GALNT2: variants seen among roughly 807,000 people sequenced by gnomAD.
GALNT2 encodes polypeptide N-acetylgalactosaminyltransferase 2.
In GALNT2, 31 loss-of-function variants were observed where a neutral mutation model predicts 81.4. The ratio of observed to expected loss-of-function variants is 0.38; its 90% confidence interval spans 0.29 to 0.51. GALNT2 has a LOEUF of 0.51. Ranked by LOEUF, GALNT2 falls within the 20% of genes least tolerant of loss-of-function variation. The probability of loss-of-function intolerance (pLI) is 0.87; values close to 1 mark genes in which losing one functional copy is unlikely to be tolerated. For missense variants in GALNT2, 629 were observed against 765.7 expected, an observed-to-expected ratio of 0.82 and a Z score of 2.11; for synonymous variants, 303 against 287.4, an observed-to-expected ratio of 1.05 and a Z score of -0.55.
chr1:230,147,605 G>A (rs965944365), intron 1 of GALNT2, among the ~76,000 whole-genome samples: 2 of 152,212 alleles, frequency 1.3e-5, no homozygotes, highest in Admixed American at 6.5e-5. Context: ...TCAGGCCAGG[G>A]CCACTCCTGG....
chr1:230,079,395 C>T (rs964732043), intron 1 of GALNT2, among the ~76,000 whole-genome samples: 2 of 152,212 alleles, frequency 1.3e-5, no homozygotes, highest in East Asian at 3.8e-4. Context: ...GCTTTTCTTC[C>T]CACATTCACA....
intron 2 of GALNT2, among the ~76,000 whole-genome samples, chr1:230,189,326 C>G (rs1663441919): frequency 6.6e-6 from 1 of 152,112 alleles, no homozygotes; most frequent in Non-Finnish European, 1.5e-5. Flanking sequence ...TCACAGCCAC[C>G]CCTCCCCGAT....
chr1:230,062,969 TTC>T (rs1659084713), upstream of GALNT2, among the ~76,000 whole-genome samples: 1 of 152,174 alleles, frequency 6.6e-6, no homozygotes, highest in South Asian at 2.1e-4. Flanking sequence ...GGGTTCCAAT[TTC>T]TCTACATCCT....
Position 230,265,385 on chromosome 1 carries a change from C to T in GALNT2, c.1440+18C>T, listed in dbSNP as rs745357216. 7.5e-5 allele frequency: 121 copies of T among 1,613,970 alleles called. 2 individuals are homozygous for T. In the South Asian group the frequency reaches 1.0e-3, roughly 13 times the overall value. The stretch of plus-strand genomic sequence containing the variant: ...GAAACCAGGTATGTGCATGGGGAAG[C>T]CAGGTCACCTGCAGGCCCAGAGAGA... On this transcript the variant is annotated intron_variant, in intron 14 of 15. Transcript: ENST00000366672.
chr1:230,078,280 G>T (rs919466953), intron 1 of GALNT2, among the ~76,000 whole-genome samples: 1 of 151,896 alleles, frequency 6.6e-6, no homozygotes, highest in Non-Finnish European at 1.5e-5. Context: ...GTCGTATTTG[G>T]GGGGGGATCA....
intron 1 of GALNT2, among the ~76,000 whole-genome samples, chr1:230,144,446 C>G (rs971655804): frequency 6.6e-6 from 1 of 152,204 alleles, no homozygotes; most frequent in Admixed American, 6.5e-5. Flanking sequence ...TAGCCGGTGC[C>G]TGCATGTGAA....
chr1:230,127,306 A>G (rs1202139450), intron 1 of GALNT2, among the ~76,000 whole-genome samples: 3 of 152,090 alleles, frequency 2.0e-5, no homozygotes, highest in African/African-American at 7.2e-5. Context: ...GCTGTGTGAT[A>G]AACTGACACC....
At chr1:230,160,982 C>T (rs928962286) in intron 1 of GALNT2, among the ~76,000 whole-genome samples, 16 of 152,168 alleles carry the variant, frequency 1.1e-4, no homozygotes, top group Non-Finnish European at 2.9e-5. Context: ...CAGCCATATA[C>T]AGTCTACTTC....
chr1:230,072,954 C>T (rs749794070), intron 1 of GALNT2, among the ~76,000 whole-genome samples: 1 of 152,220 alleles, frequency 6.6e-6, no homozygotes. Flanking sequence ...TCCCTTTTCC[C>T]TCTGAGTAAG....
At chr1:230,167,728 G>A (rs377014408) in intron 1 of GALNT2, among the ~76,000 whole-genome samples, 166 of 152,230 alleles carry the variant, frequency 1.1e-3, no homozygotes, top group South Asian at 6.2e-3. Flanking sequence ...GGAGCAGCAC[G>A]GGTGTGAAAT....
At chr1:230,232,422 T>TG (rs1317658736) in intron 3 of GALNT2, among the ~76,000 whole-genome samples, 2 of 152,206 alleles carry the variant, frequency 1.3e-5, no homozygotes, top group Non-Finnish European at 2.9e-5. Context: ...CAAATGCTCC[T>TG]GGGAGATGAG....
rs1666431221 is a variant in GALNT2 at position 230,281,180 on chromosome 1, T to C, written c.*1722T>C. On this transcript the variant is annotated 3_prime_UTR_variant, in exon 16 of 16. Coordinates refer to ENST00000366672, the MANE Select transcript of GALNT2 (RefSeq NM_004481.5). Reference sequence around the variant, plus strand: ...GTCTTGTATGAAAGGGGCCACTGTGTGTCTTCCTCCCCGGCGGGAGCCCCA... The same window carrying C: ...GTCTTGTATGAAAGGGGCCACTGTGCGTCTTCCTCCCCGGCGGGAGCCCCA... 1 of 152,278 alleles carries C rather than the reference T, an allele frequency of 6.6e-6. No individual in the cohort carries two copies. Among genetic ancestry groups the C allele is most frequent in the Non-Finnish European group, 1.5e-5 (1 of 68,128 alleles). 9.4% of individuals were successfully genotyped at this position (152,278 alleles called of 1,614,324 possible).
chr1:230,065,456 C>T (rs1190488117), upstream of GALNT2, among the ~76,000 whole-genome samples: 5 of 152,040 alleles, frequency 3.3e-5, no homozygotes, highest in South Asian at 2.1e-4. Flanking sequence ...TATACAAATA[C>T]GTGACACTTT....
At chr1:230,236,446 C>T (rs1303991532) in intron 5 of GALNT2, 26 bp downstream of exon 5, 1 of 1,607,326 alleles carries the variant, frequency 6.2e-7, no homozygotes, top group South Asian at 1.1e-5. Flanking sequence ...GATTTTATCC[C>T]TGTGTCTGGC....
At chr1:230,218,222 G>A (rs1306826476) in intron 3 of GALNT2, among the ~76,000 whole-genome samples, 5 of 152,168 alleles carry the variant, frequency 3.3e-5, no homozygotes, top group Non-Finnish European at 5.9e-5. Context: ...ATGCTGAATC[G>A]GATGTGGAAT....
intron 9 of GALNT2, 116 bp downstream of exon 9, chr1:230,249,387 G>C (rs536520214): frequency 1.3e-6 from 1 of 779,958 alleles, no homozygotes; most frequent in African/African-American, 1.7e-5. Flanking sequence ...TCTGCCCTCC[G>C]GTTTCCCCTC....
intron 1 of GALNT2, among the ~76,000 whole-genome samples, chr1:230,128,984 T>C (rs1661283059): frequency 6.6e-6 from 1 of 152,268 alleles, no homozygotes; most frequent in African/African-American, 2.4e-5. Flanking sequence ...CACCAGCTCC[T>C]TCTTCCTGAA....
chr1:230,242,088 C>T (rs746211934), intron 6 of GALNT2, among the ~76,000 whole-genome samples: 14 of 152,180 alleles, frequency 9.2e-5, no homozygotes, highest in Admixed American at 6.5e-4. Flanking sequence ...TATCCTCTAA[C>T]AACTCAAGCC....
intron 1 of GALNT2, among the ~76,000 whole-genome samples, chr1:230,095,263 T>C (rs146723060): frequency 0.017 from 2,649 of 152,148 alleles, 74 homozygotes; most frequent in African/African-American, 0.059. Context: ...AGAGTAAAAA[T>C]AGTAACCCCA....
Sources: allele counts gnomAD v4.1 joint callset (sites outside exome capture counted in the v4.1 genomes callset), GRCh38; gene constraint gnomAD v4.1.1; transcripts MANE v1.5; gene names NCBI Gene and HGNC (gene_info 2026-07-23, HGNC 2026-07-21).